Variants in SHANK2 observed in about 807,000 individuals in gnomAD.
SHANK2 encodes SH3 and multiple ankyrin repeat domains protein 2.
A neutral mutation model predicts 133.7 loss-of-function variants in SHANK2; 43 were observed. That is an observed-to-expected ratio of 0.32 (90% CI 0.25 to 0.41). The LOEUF (loss-of-function observed/expected upper bound fraction) is 0.41, where lower values mean the gene tolerates loss of function less well. SHANK2 is among the 10% of genes least tolerant of loss of function. The pLI is 1.00. For missense variants in SHANK2, 1,994 were observed against 2,235.8 expected (o/e 0.89, Z 2.18); for synonymous variants, 1,017 against 952.8 (o/e 1.07, Z -1.24).
intron 11 of SHANK2, among the ~76,000 whole-genome samples, chr11:70,848,797 C>T (rs1392903747): frequency 6.6e-6 from 1 of 152,216 alleles, no homozygotes; most frequent in Non-Finnish European, 1.5e-5. Context: ...ACTGTGCAGT[C>T]TGGCTGTGAT....
chr11:71,055,805 G>T (rs1950911603), intron 10 of SHANK2, among the ~76,000 whole-genome samples: 1 of 145,570 alleles, frequency 6.9e-6, no homozygotes, highest in Non-Finnish European at 1.5e-5. Flanking sequence ...GTGGGGAGTG[G>T]CTGGTTAGTG....
chr11:70,779,849 C>T (rs1238492354), intron 14 of SHANK2, among the ~76,000 whole-genome samples: 4 of 151,770 alleles, frequency 2.6e-5, no homozygotes, highest in Admixed American at 6.6e-5. Flanking sequence ...CTTCCCTACA[C>T]CCCTGACCCA....
intron 11 of SHANK2, among the ~76,000 whole-genome samples, chr11:70,889,990 T>C (rs1231011769): frequency 1.3e-5 from 2 of 152,102 alleles, no homozygotes; most frequent in Non-Finnish European, 2.9e-5. Context: ...GGGTGTGGTG[T>C]GTGCTCCCAT....
chr11:70,938,122 C>T (rs1416725840), intron 10 of SHANK2, among the ~76,000 whole-genome samples: 1 of 152,172 alleles, frequency 6.6e-6, no homozygotes, highest in African/African-American at 2.4e-5. Flanking sequence ...CCAGTTTCCC[C>T]AAGGACAAAT....
Position 70,577,187 on chromosome 11 carries a change from C to T in SHANK2, c.2062-74256G>A, listed in dbSNP as rs1043697695. On this transcript the variant is annotated intron_variant, in intron 17 of 25. Coordinates refer to ENST00000601538, the MANE Select transcript of SHANK2 (RefSeq NM_012309.5). Reference sequence around the variant, plus strand: ...CAGCCCCAGGAGGACTCGTGATCCCCGTGGGGTGAGAGGAAGGAAGAGTGA... The same window carrying T: ...CAGCCCCAGGAGGACTCGTGATCCCTGTGGGGTGAGAGGAAGGAAGAGTGA... Among the ~76,000 whole-genome samples the T allele has an allele frequency of 3.3e-5, 5 of 152,202 alleles. No individual in the cohort carries two copies. The South Asian group carries it at 6.2e-4, about 19-fold the overall frequency.
intron 3 of SHANK2, among the ~76,000 whole-genome samples, chr11:71,145,371 G>A (rs1473954092): frequency 6.6e-6 from 1 of 152,230 alleles, no homozygotes. Context: ...GTGTTGAGCC[G>A]CATTCAAAGC....
rs528598247 is a variant in SHANK2 at position 70,785,076 on chromosome 11, C to T, written c.1777+13367G>A. 2.0e-5 allele frequency among the ~76,000 whole-genome samples: 3 copies of T among 152,294 alleles called. No individual in the cohort carries two copies. In the East Asian group the frequency reaches 5.8e-4, roughly 29 times the overall value. On this transcript the variant is annotated intron_variant, in intron 14 of 25. Coordinates refer to ENST00000601538, the MANE Select transcript of SHANK2 (RefSeq NM_012309.5). The stretch of plus-strand genomic sequence containing the variant: ...GGGTGTCCTGAGGCCTGTGTGCCTG[C>T]AGCTGCTAGGCCCGTAGGATGCCTC...
intron 11 of SHANK2, among the ~76,000 whole-genome samples, chr11:70,870,051 G>A (rs1949433813): frequency 6.6e-6 from 1 of 152,182 alleles, no homozygotes; most frequent in Non-Finnish European, 1.5e-5. Context: ...TGTGATCAGT[G>A]AGGTTGCGAC....
At position 71,214,117 on chromosome 11, in the gene SHANK2, G is replaced by C. The variant is rs187547928; in HGVS notation, c.-13+10580C>G. 2.0e-5 allele frequency among the ~76,000 whole-genome samples: 3 copies of C among 152,264 alleles called. 1 individual carries two copies. Among genetic ancestry groups the C allele is most frequent in the Admixed American group, 2.0e-4 (3 of 15,294 alleles). ...CCTCTCTCACAGAAACCCCCAGAAAGGGTCTGGCCTCAGTTTCCTCCCACC... is the reference window on the plus strand; with the variant it reads ...CCTCTCTCACAGAAACCCCCAGAAACGGTCTGGCCTCAGTTTCCTCCCACC... On this transcript the variant is annotated intron_variant, in intron 2 of 25. Transcript: ENST00000601538.
At chr11:70,769,547 C>T (rs1230179749) in intron 14 of SHANK2, among the ~76,000 whole-genome samples, 1 of 144,770 alleles carries the variant, frequency 6.9e-6, no homozygotes, top group East Asian at 1.9e-4. Flanking sequence ...ACCTGGTGCA[C>T]ACGGCAGGGG....
At chr11:70,761,916 C>CTGG (rs1163381111) in intron 14 of SHANK2, among the ~76,000 whole-genome samples, 12 of 147,632 alleles carry the variant, frequency 8.1e-5, no homozygotes, top group East Asian at 1.9e-4. Context: ...TAGCAAGTTC[C>CTGG]CGGCTGCTGC....
intron 15 of SHANK2, among the ~76,000 whole-genome samples, chr11:70,690,738 T>C (rs1945272501): frequency 6.8e-6 from 1 of 146,542 alleles, no homozygotes; most frequent in Non-Finnish European, 1.5e-5. Context: ...GGTCGAGTGA[T>C]AGTGTCTAAA....
chr11:70,898,282 G>GCACACACACACGCACA (rs1555076084), intron 10 of SHANK2, among the ~76,000 whole-genome samples: 2 of 135,422 alleles, frequency 1.5e-5, no homozygotes, highest in Non-Finnish European at 3.1e-5. Context: ...ATACACACAC[G>GCACACACACACGCACA]CACACACACA....
chr11:71,100,770 G>A (rs1951704248), intron 6 of SHANK2, among the ~76,000 whole-genome samples: 1 of 151,940 alleles, frequency 6.6e-6, no homozygotes, highest in Non-Finnish European at 1.5e-5. Flanking sequence ...AGGAGGCTGA[G>A]GCAGGAGAAT....
intron 11 of SHANK2, among the ~76,000 whole-genome samples, chr11:70,834,720 C>T (rs549831524): frequency 4.6e-5 from 7 of 152,242 alleles, no homozygotes; most frequent in African/African-American, 1.4e-4. Flanking sequence ...AGCAATAATG[C>T]GGGGTTATCT....
intron 11 of SHANK2, among the ~76,000 whole-genome samples, chr11:70,883,625 T>C (rs916516578): frequency 1.8e-4 from 27 of 152,106 alleles, no homozygotes; most frequent in African/African-American, 6.5e-4. Context: ...TGAGAGGGTG[T>C]GCTGCGGTGT....
chr11:70,638,589 G>A (rs978916252), intron 17 of SHANK2, among the ~76,000 whole-genome samples: 51 of 152,342 alleles, frequency 3.3e-4, no homozygotes, highest in African/African-American at 4.3e-4. Flanking sequence ...CGCGGTGGCC[G>A]AGGAAGCCCT....
chr11:71,210,947 A>G (rs189532559), intron 2 of SHANK2, among the ~76,000 whole-genome samples: 5 of 152,274 alleles, frequency 3.3e-5, no homozygotes, highest in Admixed American at 3.3e-4. Flanking sequence ...AGACAGACGC[A>G]TGAGGAGAGG....
rs1485149375 is a variant in SHANK2 at position 71,056,852 on chromosome 11, G to A, written c.1030-294C>T. ...TCAGTAAAATACAGAAAGGAAGAAA[G>A]AAGAAAGAAAAGAAAAGAAGAAAAG... On this transcript the variant is annotated intron_variant, in intron 9 of 25. Coordinates refer to ENST00000601538, the MANE Select transcript of SHANK2 (RefSeq NM_012309.5). Among the ~76,000 whole-genome samples, 12 of 151,052 alleles carry A rather than the reference G, an allele frequency of 7.9e-5. 1 individual carries two copies. Among genetic ancestry groups the A allele is most frequent in the Admixed American group, 5.9e-4 (9 of 15,240 alleles).
Sources: allele counts gnomAD v4.1 joint callset (sites outside exome capture counted in the v4.1 genomes callset), GRCh38; gene constraint gnomAD v4.1.1; transcripts MANE v1.5; gene names NCBI Gene and HGNC (gene_info 2026-07-23, HGNC 2026-07-21).